Variants in TBCK observed in about 807,000 individuals in gnomAD.
The protein encoded by TBCK is TBC domain-containing protein kinase-like protein.
A neutral mutation model predicts 113.4 loss-of-function variants in TBCK; 99 were observed. That is an observed-to-expected ratio of 0.87 (90% CI 0.74 to 1.03). The LOEUF is 1.03. Ranked by LOEUF, TBCK falls within the 50% of genes least tolerant of loss-of-function variation. TBCK has a pLI of 0.00. For missense variants in TBCK, 1,045 were observed against 1,061.3 expected (o/e 0.98, Z 0.21); for synonymous variants, 369 against 370.8 (o/e 1.00, Z 0.05).
intron 23 of TBCK, among the ~76,000 whole-genome samples, chr4:106,124,141 A>G (rs1744833115): frequency 6.6e-6 from 1 of 152,076 alleles, no homozygotes. Context: ...CAATGAACTC[A>G]AACAAATTTA....
intron 25 of TBCK, among the ~76,000 whole-genome samples, chr4:106,048,340 CCACAGAGA>C (rs1734441405): frequency 6.6e-6 from 1 of 152,088 alleles, no homozygotes; most frequent in Non-Finnish European, 1.5e-5. Flanking sequence ...TGCAGTGGCT[CCACAGAGA>C]TTCAAACGGC....
intron 25 of TBCK, among the ~76,000 whole-genome samples, chr4:106,049,623 A>AG (rs1195912167): frequency 6.6e-6 from 1 of 152,008 alleles, no homozygotes; most frequent in Non-Finnish European, 1.5e-5. Context: ...TCTAGGGTAT[A>AG]GGGTTTCTTC....
intron 23 of TBCK, among the ~76,000 whole-genome samples, chr4:106,139,143 C>T (rs532728569): frequency 2.9e-5 from 4 of 140,334 alleles, no homozygotes; most frequent in Non-Finnish European, 6.5e-5. Flanking sequence ...CTCCTTGCCC[C>T]CACATCACTC....
chr4:106,068,423 T>C (rs370794835), intron 25 of TBCK, among the ~76,000 whole-genome samples: 16 of 152,242 alleles, frequency 1.1e-4, no homozygotes, highest in South Asian at 6.2e-4. Context: ...GTCCTTGTGA[T>C]AGTTTGCTCA....
Position 106,095,504 on chromosome 4 carries a change from T to C in TBCK, c.2549A>G (p.His850Arg), listed in dbSNP as rs772460657. The C allele has an allele frequency of 1.9e-6, 3 of 1,613,970 alleles. No individual in the cohort carries two copies. Among genetic ancestry groups the C allele is most frequent in the Non-Finnish European group, 2.5e-6 (3 of 1,179,922 alleles). ...FKGKVIVIVG[H>R]VAKHTAEFAA... The stretch of plus-strand genomic sequence containing the variant: ...TACCTCAGCTGTGTGTTTTGCCACA[T>C]GCCCCACGATGACAATGACCTTCCC... The change falls in exon 25 of 26, where the codon CAT (histidine) becomes CGT (arginine). Residue 850 changes from histidine (H) to arginine (R), a missense_variant. By Grantham distance (29) the His-to-Arg change is conservative. Transcript: ENST00000394708.
intron 25 of TBCK, among the ~76,000 whole-genome samples, chr4:106,066,700 C>T (rs1447952040): frequency 6.6e-6 from 1 of 152,004 alleles, no homozygotes; most frequent in Middle Eastern, 3.4e-3. Context: ...TCCCCCAGCC[C>T]GTGGTACCAC....
At chr4:106,079,180 A>C (rs1421448401) in intron 25 of TBCK, among the ~76,000 whole-genome samples, 2 of 152,212 alleles carry the variant, frequency 1.3e-5, no homozygotes, top group African/African-American at 4.8e-5. Flanking sequence ...ACCTCAAAAT[A>C]AAAAGAGGCA....
At chr4:106,122,531 C>T (rs1744559252) in intron 23 of TBCK, among the ~76,000 whole-genome samples, 2 of 152,146 alleles carry the variant, frequency 1.3e-5, no homozygotes, top group Admixed American at 1.3e-4. Flanking sequence ...TTTATGAGGC[C>T]AGCATCATCC....
intron 4 of TBCK, among the ~76,000 whole-genome samples, chr4:106,261,308 G>A (rs1488236408): frequency 6.6e-6 from 1 of 151,812 alleles, no homozygotes; most frequent in Admixed American, 6.6e-5. Flanking sequence ...TTAGAGACAG[G>A]GTCTCACACT....
chr4:106,128,433 C>G (rs1490452947), intron 23 of TBCK, among the ~76,000 whole-genome samples: 2 of 152,040 alleles, frequency 1.3e-5, no homozygotes, highest in Non-Finnish European at 2.9e-5. Context: ...GAGGAAAATC[C>G]AATAAAACTG....
intron 23 of TBCK, among the ~76,000 whole-genome samples, chr4:106,146,673 C>G (rs4307042): frequency 0.4 from 61,362 of 151,986 alleles, 12,704 homozygotes; most frequent in African/African-American, 0.48. Context: ...TGCTGGTGGA[C>G]GGTCTTGCCT....
intron 24 of TBCK, among the ~76,000 whole-genome samples, chr4:106,106,805 GT>G (rs2149542902): frequency 6.6e-6 from 1 of 152,248 alleles, no homozygotes; most frequent in Non-Finnish European, 1.5e-5. Context: ...AACCTTGAAT[GT>G]AAAGGGTGAA....
At chr4:106,232,588 T>C (rs919994666) in intron 17 of TBCK, among the ~76,000 whole-genome samples, 1 of 151,936 alleles carries the variant, frequency 6.6e-6, no homozygotes, top group Non-Finnish European at 1.5e-5. Context: ...CCATGGTAAG[T>C]ATAAATTAGA....
intron 18 of TBCK, among the ~76,000 whole-genome samples, chr4:106,230,773 G>A (rs970439739): frequency 1.3e-5 from 2 of 151,640 alleles, no homozygotes; most frequent in South Asian, 2.1e-4. Flanking sequence ...TAAGTTATAC[G>A]GACCTCACGA....
intron 3 of TBCK, among the ~76,000 whole-genome samples, chr4:106,279,944 T>C (rs1579491966): frequency 6.6e-6 from 1 of 152,292 alleles, no homozygotes; most frequent in Non-Finnish European, 1.5e-5. Flanking sequence ...TTTGGGTATA[T>C]ACCTAGCAGT....
chr4:106,293,072 G>A (rs72878520), intron 3 of TBCK, among the ~76,000 whole-genome samples: 4,096 of 152,190 alleles, frequency 0.027, 177 homozygotes, highest in African/African-American at 0.094. Flanking sequence ...AACCACAAAG[G>A]ACCCCTGAAT....
intron 20 of TBCK, among the ~76,000 whole-genome samples, chr4:106,202,044 T>C (rs1216238576): frequency 6.6e-6 from 1 of 152,010 alleles, no homozygotes; most frequent in Non-Finnish European, 1.5e-5. Flanking sequence ...AGTTAATGGA[T>C]CTAGAACATC....
upstream of TBCK, chr4:106,316,582 T>C: frequency 1.9e-6 from 3 of 1,551,578 alleles, no homozygotes; most frequent in African/African-American, 1.4e-5. Flanking sequence ...GAACCCGTGG[T>C]CCTCCGCTTC....
intron 1 of TBCK, among the ~76,000 whole-genome samples, chr4:106,313,124 C>T (rs940224015): frequency 2.0e-5 from 3 of 152,180 alleles, no homozygotes. Context: ...AAGATAAACA[C>T]TGCTATACAT....
Sources: allele counts gnomAD v4.1 joint callset (sites outside exome capture counted in the v4.1 genomes callset), GRCh38; gene constraint gnomAD v4.1.1; transcripts MANE v1.5; gene names NCBI Gene and HGNC (gene_info 2026-07-23, HGNC 2026-07-21).